The following SETX variants were observed in gnomAD, a reference collection of about 807,000 sequenced individuals.
The protein encoded by SETX is helicase senataxin.
SETX carries 90 observed loss-of-function variants against 227.2 expected under a neutral mutation model. The observed-to-expected ratio is 0.40, with a 90% CI of 0.33 to 0.47. The LOEUF is 0.47. Among genes scored for constraint, SETX ranks in the 20% least tolerant of loss-of-function variants. The probability of loss-of-function intolerance (pLI) is 0.91; values close to 1 mark genes in which losing one functional copy is unlikely to be tolerated. For synonymous variants in SETX, 1,210 were observed against 1,113.2 expected, an observed-to-expected ratio of 1.09 and a Z score of -1.73; for missense variants, 3,052 against 3,181.5, an observed-to-expected ratio of 0.96 and a Z score of 0.98.
chr9:132,346,131 A>C, intron 4 of SETX, 130 bp downstream of exon 4: 1 of 757,714 alleles, frequency 1.3e-6, no homozygotes. Flanking sequence ...CGTTGGAAAA[A>C]AAATGAAGTC....
intron 11 of SETX, among the ~76,000 whole-genome samples, chr9:132,304,632 C>CAAAA (rs34179466): frequency 2.4e-4 from 25 of 104,600 alleles, no homozygotes; most frequent in East Asian, 9.2e-4. Context: ...GACCCTGTTT[C>CAAAA]AAAAAAAAAA....
intron 18 of SETX, among the ~76,000 whole-genome samples, chr9:132,283,769 G>A (rs1843672917): frequency 6.6e-6 from 1 of 152,182 alleles, no homozygotes. Flanking sequence ...TGAATTATAT[G>A]AGTAAAACCA....
chr9:132,329,029 T>C lies in SETX; in HGVS notation c.2569A>G (p.Lys857Glu). 1 of 1,607,956 alleles carries C rather than the reference T, an allele frequency of 6.2e-7. No individual in the cohort carries two copies. The highest frequency in any genetic ancestry group is 8.5e-7 in the Non-Finnish European group (1 of 1,177,822). ...GVLDDKNGEQ[K>E]SQNNVLPKEK... is the part of the protein sequence containing the mutation. ...TTTGGCAATACATTGTTTTGAGATT[T>C]TTGTTCTCCATTCTTATCATCCAGA... is the stretch of plus-strand genomic sequence containing the variant. The change falls in exon 10 of 26, where the codon AAA (lysine) becomes GAA (glutamate). Residue 857 changes from lysine (K) to glutamate (E), a missense_variant. Coordinates refer to ENST00000224140, the MANE Select transcript of SETX (RefSeq NM_015046.7).
Position 132,264,544 on chromosome 9 carries a change from A to G in SETX, c.7729T>C (p.Phe2577Leu). Residue 2577 changes from phenylalanine (F) to leucine (L), a missense_variant, in exon 26 of 26, where the codon TTC becomes CTC. Physicochemically the swap from Phe to Leu is conservative, Grantham distance 22. Around this residue, in one of 10 missense-constraint regions of SETX, gnomAD observed 294 missense variants for 278.8 expected, o/e 1.05. Transcript: ENST00000224140. Reference sequence around the variant, plus strand: ...CTCAGGTCCTGGTGAACGACAGGGAAGCCCGGCTCGCCCGTAGGAGGTGTT... The same window carrying G: ...CTCAGGTCCTGGTGAACGACAGGGAGGCCCGGCTCGCCCGTAGGAGGTGTT... ...GATPPTGEPG[F>L]PVVHQDLSHI... is the part of the protein sequence containing the mutation. 2 of 1,614,022 alleles carry G rather than the reference A, an allele frequency of 1.2e-6. No homozygotes were observed. The highest frequency in any genetic ancestry group is 2.2e-5 in the South Asian group (2 of 91,082).
chr9:132,347,516 TG>T (rs1564569710), intron 3 of SETX, among the ~76,000 whole-genome samples: 1 of 151,942 alleles, frequency 6.6e-6, no homozygotes, highest in African/African-American at 2.4e-5. Flanking sequence ...TTCACCATGA[TG>T]GCCAGGCTGG....
chr9:132,298,065 T>TA lies in SETX; in HGVS notation c.5781+14dup. On this transcript the variant is annotated intron_variant, in intron 13 of 25. Transcript: ENST00000224140. ...CTTAACATGAAATTATCTAGTATCATACATCATCACTCACAATTCTCTCAG... is the reference window on the plus strand; with the variant it reads ...CTTAACATGAAATTATCTAGTATCATAACATCATCACTCACAATTCTCTCAG... 6.4e-7 allele frequency: 1 copy of TA among 1,557,952 alleles called. No individual in the cohort carries two copies. Among genetic ancestry groups the TA allele is most frequent in the Non-Finnish European group, 8.8e-7 (1 of 1,140,570 alleles).
chr9:132,330,116 C>T lies in SETX; in HGVS notation c.1482G>A (p.Lys494=), dbSNP rs773191776. The T allele has an allele frequency of 1.2e-6, 2 of 1,613,476 alleles. No homozygotes were observed. Among genetic ancestry groups the T allele is most frequent in the Admixed American group, 3.3e-5 (2 of 59,982 alleles). ...QWVEAVVKCA[K]LPTTAFTRSS... ...TCCGTGTAAACGCAGTGGTAGGAAG[C>T]TTGGCACATTTGACGACGGCTTCCA... Residue 494 remains lysine, a synonymous_variant, in exon 10 of 26, where the codon AAG becomes AAA. Transcript: ENST00000224140.
chr9:132,336,285 A>T lies in SETX; in HGVS notation c.718+11T>A, dbSNP rs773881371. The T allele has an allele frequency of 1.4e-5, 22 of 1,597,304 alleles. No homozygotes were observed. The highest frequency in any genetic ancestry group is 1.8e-5 in the Non-Finnish European group (21 of 1,164,826). ...AAATACCAATTATATTAGTGTAGGAATAATACTCACCTAACCAATAGCTTT... is the reference window on the plus strand; with the variant it reads ...AAATACCAATTATATTAGTGTAGGATTAATACTCACCTAACCAATAGCTTT... On this transcript the variant is annotated intron_variant, in intron 6 of 25. Coordinates refer to ENST00000224140, the MANE Select transcript of SETX (RefSeq NM_015046.7).
intron 4 of SETX, among the ~76,000 whole-genome samples, 180 bp from the exon 5 acceptor site, chr9:132,342,979 C>T (rs915657265): frequency 6.6e-6 from 1 of 152,042 alleles, no homozygotes; most frequent in African/African-American, 2.4e-5. Context: ...AGGCTAAATC[C>T]GTTGATCACA....
chr9:132,321,751 G>A lies in SETX; in HGVS notation c.5274+4573C>T, dbSNP rs190298581. ...TAGTCCCAGCTACTCAGGAGGCTGA[G>A]ACAGGAGAAATGCTTGAACCCAAGA... On this transcript the variant is annotated intron_variant, in intron 10 of 25. Transcript: ENST00000224140. Among the ~76,000 whole-genome samples the A allele has an allele frequency of 6.5e-3, 987 of 151,628 alleles. 10 individuals are homozygous for A. The highest frequency in any genetic ancestry group is 0.022 in the African/African-American group (920 of 41,276).
intron 15 of SETX, among the ~76,000 whole-genome samples, chr9:132,293,261 C>T (rs1323931818): frequency 6.6e-6 from 1 of 152,070 alleles, no homozygotes; most frequent in African/African-American, 2.4e-5. Flanking sequence ...ACTCTTTAAC[C>T]TGGTAACGGG....
chr9:132,295,303 G>A (rs749005343), intron 15 of SETX, among the ~76,000 whole-genome samples: 1 of 152,140 alleles, frequency 6.6e-6, no homozygotes, highest in Non-Finnish European at 1.5e-5. Context: ...ATTATTTTGA[G>A]AATTACTGAC....
At chr9:132,340,150 A>C (rs1219593645) in intron 5 of SETX, among the ~76,000 whole-genome samples, 1 of 151,806 alleles carries the variant, frequency 6.6e-6, no homozygotes, top group Non-Finnish European at 1.5e-5. Flanking sequence ...TTTATTTTAA[A>C]TATCTCATTT....
At chr9:132,310,445 G>T (rs535382066) in intron 11 of SETX, among the ~76,000 whole-genome samples, 2 of 152,262 alleles carry the variant, frequency 1.3e-5, no homozygotes, top group East Asian at 3.9e-4. Context: ...GAGATACATG[G>T]GTGATCATAG....
At chr9:132,333,344 C>T (rs1847363688) in intron 7 of SETX, among the ~76,000 whole-genome samples, 2 of 145,380 alleles carry the variant, frequency 1.4e-5, no homozygotes, top group South Asian at 4.4e-4. Flanking sequence ...CACCACTGCA[C>T]TCCAGCCTGG....
At chr9:132,303,043 G>A (rs1845107760) in intron 11 of SETX, among the ~76,000 whole-genome samples, 1 of 151,868 alleles carries the variant, frequency 6.6e-6, no homozygotes, top group Non-Finnish European at 1.5e-5. Context: ...TTAGAGATTG[G>A]GTCTTGTTCT....
Position 132,329,665 on chromosome 9 carries a change from A to C in SETX, c.1933T>G (p.Phe645Val), listed in dbSNP as rs1463945272. 1 of 1,613,736 alleles carries C rather than the reference A, an allele frequency of 6.2e-7. No homozygotes were observed. The highest frequency in any genetic ancestry group is 8.5e-7 in the Non-Finnish European group (1 of 1,179,938). The change falls in exon 10 of 26, where the codon TTT becomes GTT. Residue 645 changes from phenylalanine (F) to valine (V), a missense_variant. Phe to Val is a conservative substitution (Grantham distance 50, BLOSUM62 -1). This residue lies in a region of SETX where 1,483 missense variants were observed against 1,312.0 expected (regional missense o/e 1.13). Transcript: ENST00000224140. ...MHCLEASSPTFSKEPMKVQDS... is the reference protein window; with the variant it reads ...MHCLEASSPTVSKEPMKVQDS... ...TGCACTTTCATTGGTTCTTTAGAAA[A>C]TGTTGGGCTGGAAGCTTCCAAACAA... is the stretch of plus-strand genomic sequence containing the variant.
In SETX at chr9:132,264,593, G is replaced by C. The variant is rs764041020; in HGVS notation, c.7680C>G (p.Pro2560=). ...TTGCTCCAGGATGCTGGGGGCTCGA[G>C]GGTTGTGGATCCCAAAGGAATATTC... ...KGGIFLWDPQ[P]SSPQHPGATP... Residue 2560 remains proline, a synonymous_variant, in exon 26 of 26, where the codon CCC becomes CCG. Coordinates refer to ENST00000224140, the MANE Select transcript of SETX (RefSeq NM_015046.7). The C allele has an allele frequency of 2.5e-6, 4 of 1,614,206 alleles. No individual in the cohort carries two copies. Among genetic ancestry groups the C allele is most frequent in the Non-Finnish European group, 3.4e-6 (4 of 1,180,042 alleles).
rs201544137 is a variant in SETX at position 132,269,636 on chromosome 9, G to A, written c.7266C>T (p.Leu2422=). 16 of 1,614,190 alleles carry A rather than the reference G, an allele frequency of 9.9e-6. No individual in the cohort carries two copies. Among genetic ancestry groups the A allele is most frequent in the Middle Eastern group, 3.3e-4 (2 of 6,062 alleles). The change falls in exon 25 of 26, where the codon CTC becomes CTT. Residue 2422 remains leucine, a synonymous_variant. Transcript: ENST00000224140. The part of the protein sequence containing the change: ...ITRAKYSLFI[L]GHLRTLMENQ... ...CTACCATCAGGGTCCTCAAATGTCC[G>A]AGGATGAAGAGGCTGTACTTGGCTC...
Sources: gnomAD v4.1 joint callset for allele counts (sites outside exome capture counted in the v4.1 genomes callset) on GRCh38, gnomAD v4.1.1 for gene constraint, gnomAD v4.1.1 regional missense constraint, MANE v1.5 for transcripts, NCBI Gene and HGNC (gene_info 2026-07-23, HGNC 2026-07-21) for gene names.